Variants in GPC6 observed in about 807,000 individuals in gnomAD.
GPC6 encodes the protein glypican 6.
GPC6 carries 14 observed loss-of-function variants against 55.2 expected under a neutral mutation model. That is an observed-to-expected ratio of 0.25 (90% confidence interval 0.17 to 0.40). The LOEUF (loss-of-function observed/expected upper bound fraction) is 0.40. GPC6 is among the 10% of genes least tolerant of loss of function. The probability of loss-of-function intolerance (pLI) is 1.00; values close to 1 mark genes in which losing one functional copy is unlikely to be tolerated. For synonymous variants in GPC6, 278 were observed against 259.6 expected (o/e 1.07, Z -0.68); for missense variants, 641 against 708.5 (o/e 0.90, Z 1.08).
intron 3 of GPC6, among the ~76,000 whole-genome samples, chr13:93,831,637 C>G (rs1158985844): frequency 1.3e-5 from 2 of 151,456 alleles, no homozygotes; most frequent in Non-Finnish European, 2.9e-5. Context: ...AAATGTTTCT[C>G]TATTGCACTG....
intron 4 of GPC6, among the ~76,000 whole-genome samples, chr13:94,110,867 GTTTA>G (rs899957178): frequency 6.6e-6 from 1 of 151,952 alleles, no homozygotes; most frequent in African/African-American, 2.4e-5. Context: ...AAGAATTTTT[GTTTA>G]TTTATTTTTA....
At chr13:93,588,586 A>G (rs1313789696) in intron 2 of GPC6, among the ~76,000 whole-genome samples, 1 of 152,184 alleles carries the variant, frequency 6.6e-6, no homozygotes, top group Non-Finnish European at 1.5e-5. Context: ...ACAGTTCTGC[A>G]GGCTTTACAG....
chr13:93,916,994 C>T (rs1308412621), intron 3 of GPC6, among the ~76,000 whole-genome samples: 1 of 151,712 alleles, frequency 6.6e-6, no homozygotes, highest in Non-Finnish European at 1.5e-5. Flanking sequence ...CCCTTTTTGC[C>T]CCAAATTCGC....
chr13:93,536,553 C>G (rs1882071533), intron 1 of GPC6, among the ~76,000 whole-genome samples: 1 of 152,056 alleles, frequency 6.6e-6, no homozygotes, highest in Non-Finnish European at 1.5e-5. Context: ...TATGTGTTAG[C>G]ACTGCATTGC....
chr13:93,291,010 T>C (rs1235755379), intron 1 of GPC6, among the ~76,000 whole-genome samples: 1 of 152,104 alleles, frequency 6.6e-6, no homozygotes, highest in Non-Finnish European at 1.5e-5. Flanking sequence ...GACTGATCAT[T>C]TGGGCAAAGA....
chr13:93,501,586 C>T (rs1566391503), intron 1 of GPC6, among the ~76,000 whole-genome samples: 1 of 152,060 alleles, frequency 6.6e-6, no homozygotes, highest in Non-Finnish European at 1.5e-5. Flanking sequence ...GGTGTTGAAC[C>T]ACAAAACTGA....
At chr13:93,493,888 T>C (rs1341428306) in intron 1 of GPC6, among the ~76,000 whole-genome samples, 3 of 113,524 alleles carry the variant, frequency 2.6e-5, no homozygotes, top group Non-Finnish European at 3.8e-5. Context: ...GTCTGAGAGA[T>C]AGTTTGTTAT....
intron 1 of GPC6, among the ~76,000 whole-genome samples, chr13:93,405,855 C>G (rs1312351763): frequency 6.6e-6 from 1 of 152,162 alleles, no homozygotes; most frequent in Admixed American, 6.6e-5. Context: ...TGGGGTGGAT[C>G]CTCTATTGGC....
intron 3 of GPC6, among the ~76,000 whole-genome samples, chr13:93,959,197 C>T (rs1364537537): frequency 6.7e-6 from 1 of 149,654 alleles, no homozygotes; most frequent in Non-Finnish European, 1.5e-5. Context: ...GAGACTCACT[C>T]TGTCTCTCAG....
At chr13:94,096,389 T>C (rs2138818941) in intron 4 of GPC6, among the ~76,000 whole-genome samples, 1 of 152,200 alleles carries the variant, frequency 6.6e-6, no homozygotes, top group South Asian at 2.1e-4. Context: ...GCTACAATGC[T>C]TCATACACAT....
chr13:94,396,331 T>C (rs1440013170), intron 7 of GPC6, among the ~76,000 whole-genome samples: 2 of 151,780 alleles, frequency 1.3e-5, no homozygotes, highest in East Asian at 1.9e-4. Context: ...TGCATGGGGG[T>C]TCATTATGTT....
chr13:93,665,334 A>G (rs1330620), intron 2 of GPC6, among the ~76,000 whole-genome samples: 73,770 of 152,084 alleles, frequency 0.49, 20,414 homozygotes, highest in Middle Eastern at 0.76. Flanking sequence ...GTAAAAATCA[A>G]TTTGCAGCAC....
chr13:93,790,752 T>C (rs749977055), intron 2 of GPC6, among the ~76,000 whole-genome samples: 3 of 152,190 alleles, frequency 2.0e-5, no homozygotes, highest in Admixed American at 6.5e-5. Flanking sequence ...AGACAGCATA[T>C]TCACATGTTA....
chr13:93,983,708 C>T (rs530174969), intron 3 of GPC6, among the ~76,000 whole-genome samples: 60 of 151,414 alleles, frequency 4.0e-4, no homozygotes, highest in Admixed American at 7.9e-4. Flanking sequence ...AGACAGAGAA[C>T]TATTCAAAAC....
intron 1 of GPC6, among the ~76,000 whole-genome samples, chr13:93,507,984 T>G (rs1880802717): frequency 1.3e-5 from 2 of 152,228 alleles, no homozygotes; most frequent in Non-Finnish European, 1.5e-5. Flanking sequence ...ATGCATTGAG[T>G]GGCTCCCATG....
At chr13:93,525,326 C>T (rs1285403901) in intron 1 of GPC6, among the ~76,000 whole-genome samples, 5 of 152,032 alleles carry the variant, frequency 3.3e-5, no homozygotes, top group Non-Finnish European at 7.4e-5. Flanking sequence ...GGAACATGCC[C>T]CCCAAGAGGT....
chr13:93,691,032 G>C (rs543645530), intron 2 of GPC6, among the ~76,000 whole-genome samples: 1 of 151,800 alleles, frequency 6.6e-6, no homozygotes, highest in African/African-American at 2.4e-5. Context: ...TAATCTATTC[G>C]CTTCAGCTTT....
chr13:93,647,824 C>T (rs1319605061), intron 2 of GPC6, among the ~76,000 whole-genome samples: 1 of 152,184 alleles, frequency 6.6e-6, no homozygotes, highest in Non-Finnish European at 1.5e-5. Flanking sequence ...GCCTGGCTCT[C>T]TCTGTCTTTT....
chr13:93,745,223 C>G (rs1380073991), intron 2 of GPC6, among the ~76,000 whole-genome samples: 1 of 152,114 alleles, frequency 6.6e-6, no homozygotes, highest in East Asian at 1.9e-4. Context: ...TTCCTTTCAG[C>G]CTTCCAGCCT....
Sources: allele counts gnomAD v4.1 joint callset (sites outside exome capture counted in the v4.1 genomes callset), GRCh38; gene constraint gnomAD v4.1.1; transcripts MANE v1.5; gene names NCBI Gene and HGNC (gene_info 2026-07-23, HGNC 2026-07-21).